PRRC1: variants seen among roughly 807,000 people sequenced by gnomAD.
The protein encoded by PRRC1 is proline rich coiled-coil 1.
Under a neutral mutation model 40.7 loss-of-function variants are expected in PRRC1, and 39 were observed. The ratio of observed to expected loss-of-function variants is 0.96; its 90% CI spans 0.74 to 1.25. The LOEUF (loss-of-function observed/expected upper bound fraction) is 1.25, where lower values mean the gene tolerates loss of function less well. Ranked by LOEUF, PRRC1 falls within the 50% of genes most tolerant of loss-of-function variation. PRRC1 has a pLI of 0.00. For synonymous variants in PRRC1, 175 were observed against 193.3 expected, an observed-to-expected ratio of 0.91 and a Z score of 0.79; for missense variants, 573 against 548.3, an observed-to-expected ratio of 1.05 and a Z score of -0.45.
intron 7 of PRRC1, among the ~76,000 whole-genome samples, chr5:127,542,374 T>C (rs1447088013): frequency 6.6e-6 from 1 of 152,094 alleles, no homozygotes; most frequent in East Asian, 1.9e-4. Flanking sequence ...GAGAGTTCTG[T>C]AGATGTCTAT....
intron 3 of PRRC1, among the ~76,000 whole-genome samples, chr5:127,525,371 G>A (rs1292965512): frequency 6.6e-6 from 1 of 152,122 alleles, no homozygotes; most frequent in Non-Finnish European, 1.5e-5. Flanking sequence ...TTTCATGGCT[G>A]AATAATATTC....
chr5:127,539,116 A>G lies in PRRC1; in HGVS notation c.998A>G (p.Asn333Ser), dbSNP rs1257025501. ...HEKQTAVSVE[N>S]FIAELLPDKW... ...AAACAGACAGCTGTGTCAGTAGAAA[A>G]CTTCATTGCAGAATTGCTGCCTGAC... The change falls in exon 7 of 9, where the codon AAC becomes AGC. Residue 333 changes from asparagine to serine, a missense_variant. Physicochemically the swap from Asn to Ser is conservative, Grantham distance 46. Transcript: ENST00000296666. 1 of 1,612,672 alleles carries G rather than the reference A, an allele frequency of 6.2e-7. No individual in the cohort carries two copies. The highest frequency in any genetic ancestry group is 1.7e-5 in the Admixed American group (1 of 59,960).
At chr5:127,544,476 C>T (rs1327354115) in intron 7 of PRRC1, among the ~76,000 whole-genome samples, 2 of 152,234 alleles carry the variant, frequency 1.3e-5, no homozygotes, top group Non-Finnish European at 2.9e-5. Context: ...GTGCCCTGCC[C>T]CCAGAGGTGG....
rs954377751 is a variant in PRRC1, at chr5:127,552,381, T to G, written c.*465T>G. The G allele has an allele frequency of 3.0e-6, 3 of 1,002,040 alleles. No homozygotes were observed. Among genetic ancestry groups the G allele is most frequent in the Non-Finnish European group, 3.6e-6 (3 of 838,868 alleles). 62.1% of individuals were successfully genotyped at this position (1,002,040 alleles called of 1,614,324 possible). On this transcript the variant is annotated 3_prime_UTR_variant, in exon 9 of 9. Transcript: ENST00000296666. ...TATGTGCACACGATCTCAGGGCTGG[T>G]GCTGAGCAGCCTGCTCAACAGTCAC...
chr5:127,535,079 G>A (rs1339023684), intron 6 of PRRC1, among the ~76,000 whole-genome samples: 1 of 143,114 alleles, frequency 7.0e-6, no homozygotes, highest in Admixed American at 7.3e-5. Context: ...TTGCTCCCAG[G>A]GGAGATACGA....
chr5:127,541,945 C>G (rs889770469), intron 7 of PRRC1, among the ~76,000 whole-genome samples: 3 of 151,360 alleles, frequency 2.0e-5, no homozygotes, highest in Non-Finnish European at 4.4e-5. Context: ...TCTTGCTTTT[C>G]TAGTTCTTTT....
Position 127,553,903 on chromosome 5 carries a change from G to A in PRRC1, c.*1987G>A, listed in dbSNP as rs147072598. ...CCTGGTAAGCCTCCTGCTCGGAACC[G>A]TGTGAGTGGGTGAGGAAGATGAGAG... On this transcript the variant is annotated 3_prime_UTR_variant, in exon 9 of 9. Coordinates refer to ENST00000296666, the MANE Select transcript of PRRC1 (RefSeq NM_130809.5). 303 of 1,535,184 alleles carry A rather than the reference G, an allele frequency of 2.0e-4. 1 individual carries two copies. In the East Asian group the frequency reaches 3.0e-3, roughly 15 times the overall value.
chr5:127,533,667 G>A lies in PRRC1; in HGVS notation c.802G>A (p.Val268Ile), dbSNP rs372366186. 15 of 1,614,008 alleles carry A rather than the reference G, an allele frequency of 9.3e-6. No homozygotes were observed. The highest frequency in any genetic ancestry group is 2.7e-5 in the African/African-American group (2 of 74,906). The change falls in exon 6 of 9, where the codon GTA (valine) becomes ATA (isoleucine). Residue 268 changes from valine to isoleucine, a missense_variant. Physicochemically the swap from Val to Ile is conservative, Grantham distance 29. Coordinates refer to ENST00000296666, the MANE Select transcript of PRRC1 (RefSeq NM_130809.5). ...LDIVVTSNKEVKVAAVRDAFQ... is the reference protein window; with the variant it reads ...LDIVVTSNKEIKVAAVRDAFQ... ...TATTGTAGTGACCTCAAATAAAGAA[G>A]TAAAAGTTGCTGCTGTCCGAGATGC... is the stretch of plus-strand genomic sequence containing the variant.
At chr5:127,518,731 C>CT (rs79976581) in intron 1 of PRRC1, among the ~76,000 whole-genome samples, 3,308 of 139,740 alleles carry the variant, frequency 0.024, 93 homozygotes, top group African/African-American at 0.066. Context: ...TAGACATCCA[C>CT]TTTTTTTTTT....
Position 127,553,447 on chromosome 5 carries a change from G to A in PRRC1, c.*1531G>A. ...CAGAGAGGTTATAGGTTGCCTTGGT[G>A]TACTTTTGTCCAGGAGTAACAGGGA... On this transcript the variant is annotated 3_prime_UTR_variant, in exon 9 of 9. Coordinates refer to ENST00000296666, the MANE Select transcript of PRRC1 (RefSeq NM_130809.5). 2.7e-6 allele frequency: 3 copies of A among 1,106,414 alleles called. No homozygotes were observed. Among genetic ancestry groups the A allele is most frequent in the Non-Finnish European group, 3.3e-6 (3 of 905,240 alleles). 68.5% of individuals were successfully genotyped at this position (1,106,414 alleles called of 1,614,324 possible).
At chr5:127,531,617 C>CTTTTTTTTTTTTTTTTTTTTTTTTTTTTT (rs60179366) in intron 5 of PRRC1, among the ~76,000 whole-genome samples, 1 of 99,680 alleles carries the variant, frequency 1.0e-5, no homozygotes, top group African/African-American at 4.6e-5. Flanking sequence ...TCTTCTTCTT[C>CTTTTTTTTTTTTTTTTTTTTTTTTTTTTT]TTTTTTTTTT....
At chr5:127,525,161 T>G (rs1292303046) in intron 3 of PRRC1, among the ~76,000 whole-genome samples, 1 of 152,168 alleles carries the variant, frequency 6.6e-6, no homozygotes, top group Non-Finnish European at 1.5e-5. Context: ...GTCCCCCAAA[T>G]CCTCACAGCT....
rs1436754791 is a variant in PRRC1 at position 127,526,756 on chromosome 5, G to T, written c.632G>T (p.Gly211Val). ...ITRGQDEASA[G>V]GIWGFIKGVA... is the part of the protein sequence containing the mutation. The stretch of plus-strand genomic sequence containing the variant: ...AGAGGTCAGGATGAAGCATCTGCTG[G>T]TGGAATCTGGGGTTTTATTAAGGTA... Residue 211 changes from glycine (G) to valine (V), a missense_variant, in exon 4 of 9, where the codon GGT (glycine) becomes GTT (valine). Physicochemically the swap from Gly to Val is moderately radical, Grantham distance 109 (BLOSUM62 -3). Transcript: ENST00000296666. 3 of 1,607,022 alleles carry T rather than the reference G, an allele frequency of 1.9e-6. No homozygotes were observed. The highest frequency in any genetic ancestry group is 2.5e-6 in the Non-Finnish European group (3 of 1,176,840).
chr5:127,518,498 G>T (rs1385084518), intron 1 of PRRC1, among the ~76,000 whole-genome samples: 1 of 152,218 alleles, frequency 6.6e-6, no homozygotes, highest in African/African-American at 2.4e-5. Context: ...GTGCATTTCT[G>T]CGATCGTGAC....
chr5:127,551,442 A>C (rs1205038178), intron 8 of PRRC1: 15 of 399,228 alleles, frequency 3.8e-5, no homozygotes, highest in Non-Finnish European at 6.0e-5. Flanking sequence ...ACCTGAAGTG[A>C]CACTTAATTT....
chr5:127,532,826 A>G (rs1767809057), intron 5 of PRRC1, among the ~76,000 whole-genome samples: 1 of 152,166 alleles, frequency 6.6e-6, no homozygotes, highest in Admixed American at 6.5e-5. Flanking sequence ...TTCATGAAAA[A>G]TCTCTTTTGC....
rs568242270 is a variant in PRRC1 at position 127,554,734 on chromosome 5, G to A, written c.*2818G>A. 16 of 152,546 alleles carry A rather than the reference G, an allele frequency of 1.0e-4. No homozygotes were observed. The South Asian group carries it at 3.3e-3, about 32-fold the overall frequency. The allele number at this position is 152,546 out of a possible 1,614,324, so 9.4% of individuals were successfully genotyped here. ...TGAGGTGGATAAATACAAAAAGGTA[G>A]TGTGATAGTATAAGTATCTAAGTGC... On this transcript the variant is annotated 3_prime_UTR_variant, in exon 9 of 9. Coordinates refer to ENST00000296666, the MANE Select transcript of PRRC1 (RefSeq NM_130809.5).
At chr5:127,532,112 T>C (rs1310600189) in intron 5 of PRRC1, among the ~76,000 whole-genome samples, 1 of 151,666 alleles carries the variant, frequency 6.6e-6, no homozygotes, top group Non-Finnish European at 1.5e-5. Context: ...GTTTTTTTTT[T>C]TGTTGTTTTT....
intron 5 of PRRC1, among the ~76,000 whole-genome samples, chr5:127,532,096 C>G (rs190081688): frequency 6.6e-6 from 1 of 151,424 alleles, no homozygotes; most frequent in Non-Finnish European, 1.5e-5. Context: ...CAAAGTAAAT[C>G]TTAAGGTTTT....
Sources: gnomAD v4.1 joint callset for allele counts (sites outside exome capture counted in the v4.1 genomes callset) on GRCh38, gnomAD v4.1.1 for gene constraint, MANE v1.5 for transcripts, NCBI Gene and HGNC (gene_info 2026-07-23, HGNC 2026-07-21) for gene names.